The following LIMD1 variants were observed in gnomAD, a reference collection of about 807,000 sequenced individuals.
LIMD1 encodes the protein LIM domain containing 1.
A neutral mutation model predicts 58.4 loss-of-function variants in LIMD1; 23 were observed. The ratio of observed to expected loss-of-function variants is 0.39; its 90% CI spans 0.28 to 0.56. The LOEUF (loss-of-function observed/expected upper bound fraction) is 0.56, where lower values mean the gene tolerates loss of function less well. LIMD1 is among the 20% of genes least tolerant of loss of function. LIMD1 has a pLI of 0.57. For missense variants in LIMD1, 838 were observed against 855.5 expected, an observed-to-expected ratio of 0.98 and a Z score of 0.25; for synonymous variants, 334 against 345.5, an observed-to-expected ratio of 0.97 and a Z score of 0.37.
chr3:45,657,905 G>A (rs1697361058), intron 2 of LIMD1, among the ~76,000 whole-genome samples: 1 of 152,050 alleles, frequency 6.6e-6, no homozygotes, highest in African/African-American at 2.4e-5. Flanking sequence ...TTTTATTTCT[G>A]CCCGACTCTT....
chr3:45,618,662 T>C (rs1701599963), intron 1 of LIMD1, among the ~76,000 whole-genome samples: 1 of 152,212 alleles, frequency 6.6e-6, no homozygotes, highest in South Asian at 2.1e-4. Flanking sequence ...AGGTAAGAGC[T>C]TACATGATCT....
At chr3:45,636,583 AC>A (rs1559519834) in intron 2 of LIMD1, among the ~76,000 whole-genome samples, 1 of 152,160 alleles carries the variant, frequency 6.6e-6, no homozygotes, top group African/African-American at 2.4e-5. Context: ...CACCATGTCT[AC>A]CCTGTTTGTC....
chr3:45,648,923 T>C (rs115479000), intron 2 of LIMD1, among the ~76,000 whole-genome samples: 4,609 of 152,336 alleles, frequency 0.03, 76 homozygotes, highest in Non-Finnish European at 0.041. Flanking sequence ...TTGGATTGTC[T>C]TTTTATTATT....
Position 45,595,422 on chromosome 3 carries a change from C to T in LIMD1, c.543C>T (p.Asp181=), listed in dbSNP as rs762662622. The T allele has an allele frequency of 1.9e-6, 3 of 1,614,086 alleles. No individual in the cohort carries two copies. The highest frequency in any genetic ancestry group is 1.7e-5 in the Admixed American group (1 of 60,030). The part of the protein sequence containing the change: ...PSCLTHGDYY[D]NLSLASPKWG... ...GCCTCACTCATGGAGACTATTATGA[C>T]AACCTCTCCTTGGCAAGCCCAAAGT... is the stretch of plus-strand genomic sequence containing the variant. Residue 181 remains aspartate (D), a synonymous_variant, in exon 1 of 8, where the codon GAC becomes GAT. Transcript: ENST00000273317.
At chr3:45,642,573 T>G (rs771874712) in intron 2 of LIMD1, among the ~76,000 whole-genome samples, 30 of 152,210 alleles carry the variant, frequency 2.0e-4, no homozygotes, top group Non-Finnish European at 4.1e-4. Flanking sequence ...TTTCCCCAAG[T>G]TTATACACAT....
At chr3:45,653,546 C>T (rs1271844948) in intron 2 of LIMD1, among the ~76,000 whole-genome samples, 2 of 152,158 alleles carry the variant, frequency 1.3e-5, no homozygotes, top group Non-Finnish European at 2.9e-5. Context: ...CCTGCAAAAT[C>T]GAGGCTGGAT....
intron 1 of LIMD1, among the ~76,000 whole-genome samples, chr3:45,614,631 G>A (rs1701559565): frequency 6.6e-6 from 1 of 151,762 alleles, no homozygotes; most frequent in African/African-American, 2.4e-5. Context: ...GCTGAGGTGG[G>A]AGGATCATAT....
At position 45,596,223 on chromosome 3, in the gene LIMD1, A is replaced by G. The variant is rs1367673482; in HGVS notation, c.1344A>G (p.Lys448=). The change falls in exon 1 of 8, where the codon AAA becomes AAG. Residue 448 remains lysine, a synonymous_variant. Transcript: ENST00000273317. ...TGAGACCCTCTGCTGCTGAGTTGAA[A>G]TTAGAAGCCCTCACCCAACGTCTGG... The part of the protein sequence containing the change: ...PELRPSAAEL[K]LEALTQRLER... 1 of 1,613,294 alleles carries G rather than the reference A, an allele frequency of 6.2e-7. No homozygotes were observed. Among genetic ancestry groups the G allele is most frequent in the Admixed American group, 1.7e-5 (1 of 59,932 alleles).
intron 1 of LIMD1, among the ~76,000 whole-genome samples, chr3:45,611,681 G>A (rs555325812): frequency 3.3e-4 from 51 of 152,344 alleles, no homozygotes; most frequent in African/African-American, 1.2e-3. Flanking sequence ...GCAGGGGCAG[G>A]CTGGGAGGTG....
chr3:45,639,390 G>T (rs1701819360), intron 2 of LIMD1, among the ~76,000 whole-genome samples: 1 of 152,200 alleles, frequency 6.6e-6, no homozygotes, highest in Non-Finnish European at 1.5e-5. Flanking sequence ...GTCTTAGTCT[G>T]TTTGGACTGT....
chr3:45,659,655 TA>T (rs1697401067), intron 2 of LIMD1, among the ~76,000 whole-genome samples: 1 of 152,190 alleles, frequency 6.6e-6, no homozygotes, highest in African/African-American at 2.4e-5. Flanking sequence ...CCAATATGAC[TA>T]AAACACTATT....
chr3:45,625,358 A>C (rs1261629064), intron 1 of LIMD1, among the ~76,000 whole-genome samples: 1 of 152,046 alleles, frequency 6.6e-6, no homozygotes, highest in Admixed American at 6.5e-5. Flanking sequence ...AGTACCTCAC[A>C]CTCAGTAGAT....
At position 45,680,702 on chromosome 3, in the gene LIMD1, G is replaced by A. The variant is rs1248840009; in HGVS notation, c.*3643G>A. The stretch of plus-strand genomic sequence containing the variant: ...GTAACTTTTAAAGGTAATAGAAAAG[G>A]CCAGGCACAGTGGCTCATGCCTGTA... On this transcript the variant is annotated 3_prime_UTR_variant, in exon 8 of 8. Coordinates refer to ENST00000273317, the MANE Select transcript of LIMD1 (RefSeq NM_014240.3). The A allele has an allele frequency of 6.6e-6, 1 of 152,086 alleles. No homozygotes were observed. The highest frequency in any genetic ancestry group is 6.5e-5 in the Admixed American group (1 of 15,268). The allele number at this position is 152,086 out of a possible 1,614,324, so 9.4% of individuals were successfully genotyped here.
In LIMD1 at chr3:45,675,332, C is replaced by T. The variant is rs553389837; in HGVS notation, c.1893+921C>T. 5.9e-5 allele frequency among the ~76,000 whole-genome samples: 9 copies of T among 152,310 alleles called. No homozygotes were observed. In the East Asian group the frequency reaches 1.7e-3, roughly 29 times the overall value. On this transcript the variant is annotated intron_variant, in intron 7 of 7. Coordinates refer to ENST00000273317, the MANE Select transcript of LIMD1 (RefSeq NM_014240.3). ...ATTACTTGAGGTCAGGAGTTCGAGA[C>T]CAGCCTGGCCAACATGGCAAAAACC...
chr3:45,633,556 C>G (rs1310923223), intron 1 of LIMD1, among the ~76,000 whole-genome samples: 2 of 152,172 alleles, frequency 1.3e-5, no homozygotes, highest in African/African-American at 2.4e-5. Context: ...GTTAGCAAAA[C>G]ATCAATTATA....
At chr3:45,607,914 C>T (rs1470125481) in intron 1 of LIMD1, among the ~76,000 whole-genome samples, 1 of 152,194 alleles carries the variant, frequency 6.6e-6, no homozygotes, top group Admixed American at 6.5e-5. Flanking sequence ...CACGTTTGCT[C>T]GCGTGATGGT....
At chr3:45,612,515 TAGG>T (rs58503654) in intron 1 of LIMD1, among the ~76,000 whole-genome samples, 35,279 of 151,982 alleles carry the variant, frequency 0.23, 4,223 homozygotes, top group East Asian at 0.36. Flanking sequence ...CACTTCTTGA[TAGG>T]AGGAGTGTCT....
intron 2 of LIMD1, among the ~76,000 whole-genome samples, chr3:45,636,920 G>A (rs1056689162): frequency 2.0e-5 from 3 of 152,228 alleles, no homozygotes; most frequent in African/African-American, 7.2e-5. Flanking sequence ...GTCTGACCAA[G>A]TTATGGATTT....
intron 1 of LIMD1, chr3:45,613,103 T>G (rs1192210480): frequency 1.3e-5 from 2 of 152,204 alleles, no homozygotes; most frequent in Non-Finnish European, 2.9e-5. Context: ...CTGGAGTGCT[T>G]TCTAGTGTTC....
Sources: allele counts gnomAD v4.1 joint callset (sites outside exome capture counted in the v4.1 genomes callset), GRCh38; gene constraint gnomAD v4.1.1; transcripts MANE v1.5; gene names NCBI Gene and HGNC (gene_info 2026-07-23, HGNC 2026-07-21).